Variants in SGCG observed in about 807,000 individuals in gnomAD.
SGCG encodes sarcoglycan gamma.
In SGCG, 26 loss-of-function variants were observed where a neutral mutation model predicts 29.3. That is an observed-to-expected ratio of 0.89 (90% CI 0.65 to 1.23). The LOEUF is 1.23. Ranked by LOEUF, SGCG falls within the 50% of genes most tolerant of loss-of-function variation. SGCG has a pLI of 0.00. For missense variants in SGCG, 353 were observed against 356.0 expected (o/e 0.99, Z 0.07); for synonymous variants, 145 against 129.7 (o/e 1.12, Z -0.80).
chr13:23,285,115 ACCTTAGAATAGCTCAAGCGCTGTGCT>A (rs1294534473), intron 5 of SGCG, among the ~76,000 whole-genome samples: 6 of 152,310 alleles, frequency 3.9e-5, no homozygotes, highest in Admixed American at 6.5e-5. Context: ...GGCAGTCTGT[ACCTTAGAATAGCTCAAGCGCTGTGCT>A]GGGAGATCCG....
intron 4 of SGCG, among the ~76,000 whole-genome samples, chr13:23,264,425 T>C (rs969187594): frequency 2.0e-5 from 3 of 152,022 alleles, no homozygotes; most frequent in Admixed American, 6.6e-5. Context: ...AAAGAAATCA[T>C]AGATGATGCA....
chr13:23,196,687 G>A, intron 1 of SGCG, among the ~76,000 whole-genome samples: 1 of 151,954 alleles, frequency 6.6e-6, no homozygotes. Context: ...TATCTTTAAG[G>A]CAAATACTTC....
chr13:23,236,535 G>T (rs187598205), intron 3 of SGCG, among the ~76,000 whole-genome samples: 1 of 151,846 alleles, frequency 6.6e-6, no homozygotes, highest in Non-Finnish European at 1.5e-5. Context: ...AAAATCAGCC[G>T]GGCGTGGTGG....
At chr13:23,179,301 C>T (rs1310077288), upstream of SGCG, among the ~76,000 whole-genome samples, 1 of 152,098 alleles carries the variant, frequency 6.6e-6, no homozygotes, top group Non-Finnish European at 1.5e-5. Context: ...GATTCTTCTG[C>T]CCTACTAAAC....
chr13:23,278,364 A>G (rs1171289513), intron 4 of SGCG, among the ~76,000 whole-genome samples: 1 of 151,798 alleles, frequency 6.6e-6, no homozygotes, highest in African/African-American at 2.4e-5. Context: ...AATCACTTGA[A>G]CTTGGGAGGC....
chr13:23,305,304 T>G (rs1237763360), intron 6 of SGCG, among the ~76,000 whole-genome samples: 1 of 152,118 alleles, frequency 6.6e-6, no homozygotes, highest in East Asian at 1.9e-4. Context: ...TAAAAGGAGG[T>G]TTATTACATC....
At chr13:23,172,784 G>A in the SGCG span, among the ~76,000 whole-genome samples, 2 of 152,228 alleles carry the variant, frequency 1.3e-5, no homozygotes, top group Non-Finnish European at 2.9e-5. Context: ...TTATAGACAA[G>A]GAACAGTCAC....
At chr13:23,311,067 G>C (rs1882579867) in intron 6 of SGCG, among the ~76,000 whole-genome samples, 1 of 152,086 alleles carries the variant, frequency 6.6e-6, no homozygotes. Flanking sequence ...TCTATAGATT[G>C]TACATTTGTT....
intron 5 of SGCG, among the ~76,000 whole-genome samples, chr13:23,292,154 G>A (rs564527193): frequency 6.9e-6 from 1 of 145,424 alleles, no homozygotes; most frequent in African/African-American, 2.7e-5. Flanking sequence ...TTGTTGTCCA[G>A]GCTAGAGTGC....
At chr13:23,260,878 G>C (rs1282354098) in intron 4 of SGCG, among the ~76,000 whole-genome samples, 1 of 152,086 alleles carries the variant, frequency 6.6e-6, no homozygotes, top group Non-Finnish European at 1.5e-5. Context: ...CACTCTTCTG[G>C]CTTGTAGACT....
chr13:23,229,161 A>C (rs1879013542), intron 2 of SGCG, among the ~76,000 whole-genome samples: 1 of 152,182 alleles, frequency 6.6e-6, no homozygotes, highest in African/African-American at 2.4e-5. Flanking sequence ...CTGTAATCCC[A>C]GTGTGAGCCA....
At chr13:23,237,129 A>G (rs1262405229) in intron 3 of SGCG, among the ~76,000 whole-genome samples, 1 of 152,224 alleles carries the variant, frequency 6.6e-6, no homozygotes, top group Non-Finnish European at 1.5e-5. Flanking sequence ...ATATAATTCA[A>G]CATGCTACTC....
At chr13:23,184,790 T>A (rs1401636429) in intron 1 of SGCG, among the ~76,000 whole-genome samples, 1 of 152,200 alleles carries the variant, frequency 6.6e-6, no homozygotes. Context: ...GGTGCCTTCC[T>A]CTTGAGAGCA....
At chr13:23,276,431 C>CTTTTTTTTTTTTTTTTTTTTTTTTTT (rs71100165) in intron 4 of SGCG, among the ~76,000 whole-genome samples, 10 of 102,380 alleles carry the variant, frequency 9.8e-5, no homozygotes, top group South Asian at 3.9e-4. Flanking sequence ...TTTTAGTTTT[C>CTTTTTTTTTTTTTTTTTTTTTTTTTT]TTTTTTTTTT....
chr13:23,238,855 T>C (rs76304227), intron 3 of SGCG, among the ~76,000 whole-genome samples: 5,235 of 152,218 alleles, frequency 0.034, 192 homozygotes, highest in East Asian at 0.19. Flanking sequence ...ATTTAAAGTA[T>C]AGCTATAGAT....
At chr13:23,266,145 G>A (rs1428749586) in intron 4 of SGCG, among the ~76,000 whole-genome samples, 3 of 151,830 alleles carry the variant, frequency 2.0e-5, no homozygotes, top group South Asian at 2.1e-4. Context: ...GGTGGCAGGC[G>A]CCTGTAATCC....
At chr13:23,300,106 A>G (rs1882094183) in intron 6 of SGCG, among the ~76,000 whole-genome samples, 1 of 152,240 alleles carries the variant, frequency 6.6e-6, no homozygotes, top group Non-Finnish European at 1.5e-5. Flanking sequence ...TAACACCATA[A>G]GGATGTGATG....
chr13:23,191,536 G>A (rs1407169212), intron 1 of SGCG, among the ~76,000 whole-genome samples: 1 of 151,834 alleles, frequency 6.6e-6, no homozygotes, highest in Non-Finnish European at 1.5e-5. Flanking sequence ...TCCTAGACCT[G>A]TGCTGGCCAG....
At chr13:23,164,248 G>T in the SGCG span, among the ~76,000 whole-genome samples, 1 of 152,106 alleles carries the variant, frequency 6.6e-6, no homozygotes, top group Non-Finnish European at 1.5e-5. Flanking sequence ...TTATTCTCCA[G>T]ATAGTTTAAT....
Sources: gnomAD v4.1 joint callset for allele counts (sites outside exome capture counted in the v4.1 genomes callset) on GRCh38, gnomAD v4.1.1 for gene constraint, MANE v1.5 for transcripts, NCBI Gene and HGNC (gene_info 2026-07-23, HGNC 2026-07-21) for gene names.